The following OR6C4 variants were observed in gnomAD, a reference collection of about 807,000 sequenced individuals.
The protein encoded by OR6C4 is olfactory receptor family 6 subfamily C member 4.
OR6C4 carries 20 observed loss-of-function variants against 15.1 expected under a neutral mutation model. The observed-to-expected ratio is 1.32, with a 90% CI of 0.93 to 1.92. The LOEUF (loss-of-function observed/expected upper bound fraction) is 1.92, where lower values mean the gene tolerates loss of function less well. OR6C4 is among the 30% of genes most tolerant of loss of function. The probability of loss-of-function intolerance (pLI) is 0.00; values close to 1 mark genes in which losing one functional copy is unlikely to be tolerated. For missense variants in OR6C4, 491 were observed against 363.2 expected, an observed-to-expected ratio of 1.35 and a Z score of -2.86; for synonymous variants, 179 against 134.2, an observed-to-expected ratio of 1.33 and a Z score of -2.31.
At position 55,554,544 on chromosome 12, in the gene OR6C4, G is replaced by A. The variant is rs1199820265; in HGVS notation, c.*2388G>A. On this transcript the variant is annotated 3_prime_UTR_variant, in exon 2 of 2. Coordinates refer to ENST00000641569, the MANE Select transcript of OR6C4 (RefSeq NM_001005494.2). ...ATGACTTCACAGAGTCTGGTGCTGA[G>A]CTACCAGAATATTCAGTATCTAAAT... 3 of 152,150 alleles carry A rather than the reference G, an allele frequency of 2.0e-5. No individual in the cohort carries two copies. Among genetic ancestry groups the A allele is most frequent in the Non-Finnish European group, 4.4e-5 (3 of 68,030 alleles). The allele number at this position is 152,150 out of a possible 1,614,324, so 9.4% of individuals were successfully genotyped here. A position where few individuals can be genotyped will look rare whatever the true frequency, so the allele number is the denominator to read the frequency against.
In OR6C4 at chr12:55,551,658, C is replaced by A; in HGVS notation, c.432C>A (p.Phe144Leu). Residue 144 changes from phenylalanine to leucine, a missense_variant, in exon 2 of 2, where the codon TTC (phenylalanine) becomes TTA (leucine). Phe to Leu is a conservative substitution (Grantham distance 22). Coordinates refer to ENST00000641569, the MANE Select transcript of OR6C4 (RefSeq NM_001005494.2). Reference protein sequence around the residue: ...MSSRVCIQLVFCSWLGGFLAI... With the variant: ...MSSRVCIQLVLCSWLGGFLAI... ...GCAGAGTCTGCATACAACTAGTGTT[C>A]TGCTCCTGGTTGGGGGGATTCCTAG... 1 of 1,613,958 alleles carries A rather than the reference C, an allele frequency of 6.2e-7. No homozygotes were observed. The highest frequency in any genetic ancestry group is 8.5e-7 in the Non-Finnish European group (1 of 1,179,922).
chr12:55,550,458 C>A (rs1873824803), intron 1 of OR6C4, among the ~76,000 whole-genome samples: 1 of 152,160 alleles, frequency 6.6e-6, no homozygotes, highest in South Asian at 2.1e-4. Flanking sequence ...TTAGTTGCCA[C>A]TGGGGACTCT....
rs758589259 is a variant in OR6C4 at position 55,552,177 on chromosome 12, A to G, written c.*21A>G. On this transcript the variant is annotated 3_prime_UTR_variant, in exon 2 of 2. Coordinates refer to ENST00000641569, the MANE Select transcript of OR6C4 (RefSeq NM_001005494.2). ...TTTAAAAAAGGAGATTACACTTCAA[A>G]ATACATTTTCACTTAACAAATATGC... 75 of 1,520,828 alleles carry G rather than the reference A, an allele frequency of 4.9e-5. 1 individual carries two copies. In the South Asian group the frequency reaches 9.0e-4, roughly 18 times the overall value. The allele number at this position is 1,520,828 out of a possible 1,614,324, so 94.2% of individuals were successfully genotyped here. A position where few individuals can be genotyped will look rare whatever the true frequency, so the allele number is the denominator to read the frequency against.
chr12:55,551,180 T>C, intron 1 of OR6C4, 29 bp from the exon 2 acceptor site: 3 of 1,355,516 alleles, frequency 2.2e-6, no homozygotes, highest in Non-Finnish European at 3.1e-6. Flanking sequence ...AACTCTTCAA[T>C]TTTCATCATT....
chr12:55,550,618 C>A (rs1390964565), intron 1 of OR6C4, among the ~76,000 whole-genome samples: 2 of 152,130 alleles, frequency 1.3e-5, no homozygotes, highest in Non-Finnish European at 2.9e-5. Context: ...GATGCTTGAA[C>A]CTTGTTCATG....
rs2135867970 is a variant in OR6C4 at position 55,551,995 on chromosome 12, T to A, written c.769T>A (p.Tyr257Asn). Reference sequence around the variant, plus strand: ...CTCTTATGGCAGCTGCATGTTTATGTACATTAATCCTTCTGCAAAAGAAGG... The same window carrying A: ...CTCTTATGGCAGCTGCATGTTTATGAACATTAATCCTTCTGCAAAAGAAGG... ...SLSYGSCMFM[Y>N]INPSAKEGGA... Residue 257 changes from tyrosine to asparagine, a missense_variant, in exon 2 of 2, where the codon TAC (tyrosine) becomes AAC (asparagine). Tyr to Asn is a moderately radical substitution (Grantham distance 143). Coordinates refer to ENST00000641569, the MANE Select transcript of OR6C4 (RefSeq NM_001005494.2). The A allele has an allele frequency of 6.2e-7, 1 of 1,613,870 alleles. No individual in the cohort carries two copies. The highest frequency in any genetic ancestry group is 8.5e-7 in the Non-Finnish European group (1 of 1,179,890).
At position 55,555,419 on chromosome 12, in the gene OR6C4, C is replaced by T. The variant is rs1386207360; in HGVS notation, c.*3263C>T. On this transcript the variant is annotated 3_prime_UTR_variant, in exon 2 of 2. Transcript: ENST00000641569. ...GAACATAGTTTTTGGTTTTCCACTC[C>T]CGTATTACTTCACTTAGAATAACGA... The T allele has an allele frequency of 6.6e-6, 1 of 152,118 alleles. No homozygotes were observed. 9.4% of individuals were successfully genotyped at this position (152,118 alleles called of 1,614,324 possible).
intron 1 of OR6C4, among the ~76,000 whole-genome samples, chr12:55,550,724 T>A (rs1441527597): frequency 6.6e-6 from 1 of 151,964 alleles, no homozygotes; most frequent in Non-Finnish European, 1.5e-5. Flanking sequence ...TGTCAGAGAT[T>A]TGGACAGTAA....
At position 55,551,371 on chromosome 12, in the gene OR6C4, C is replaced by T; in HGVS notation, c.145C>T (p.Leu49=). ...GNLTIITLTL[L]DPHLQTPMYF... ...TCTGACTATTATCACCCTCACCTTA[C>T]TAGACCCCCACCTCCAGACCCCCAT... The change falls in exon 2 of 2, where the codon CTA becomes TTA. Residue 49 remains leucine, a synonymous_variant. Coordinates refer to ENST00000641569, the MANE Select transcript of OR6C4 (RefSeq NM_001005494.2). 1 of 1,613,936 alleles carries T rather than the reference C, an allele frequency of 6.2e-7. No homozygotes were observed. Among genetic ancestry groups the T allele is most frequent in the Non-Finnish European group, 8.5e-7 (1 of 1,179,860 alleles).
chr12:55,550,386 T>G (rs888126421), intron 1 of OR6C4, among the ~76,000 whole-genome samples: 9 of 152,170 alleles, frequency 5.9e-5, no homozygotes, highest in African/African-American at 2.2e-4. Context: ...AAAAACTTTT[T>G]CTGGTTTCTG....
rs190323176 is a variant in OR6C4, at chr12:55,552,132, A to T, written c.906A>T (p.Ser302=). ...AAGTGAAACAAGCTTTCAAGGACTC[A>T]GTCAAAAAGATTGTGAAACTTTAAA... ...NQQVKQAFKD[S]VKKIVKL is the part of the protein sequence containing the mutation. The change falls in exon 2 of 2, where the codon TCA becomes TCT. Residue 302 remains serine (S), a synonymous_variant. Coordinates refer to ENST00000641569, the MANE Select transcript of OR6C4 (RefSeq NM_001005494.2). 6.3e-7 allele frequency: 1 copy of T among 1,596,750 alleles called. No individual in the cohort carries two copies. The highest frequency in any genetic ancestry group is 2.2e-5 in the East Asian group (1 of 44,742).
rs970400698 is a variant in OR6C4 at position 55,549,905 on chromosome 12, T to C, written c.-232T>C. The stretch of plus-strand genomic sequence containing the variant: ...AGCCAATAGAAAACATGTTAAAGTA[T>C]ATACTACTCAAAGATTCACGTGGCA... On this transcript the variant is annotated 5_prime_UTR_variant, in exon 1 of 2. Transcript: ENST00000641569. The C allele has an allele frequency of 6.6e-6, 1 of 152,226 alleles. No homozygotes were observed. The highest frequency in any genetic ancestry group is 2.4e-5 in the African/African-American group (1 of 41,464). 9.4% of individuals were successfully genotyped at this position (152,226 alleles called of 1,614,324 possible). A position where few individuals can be genotyped will look rare whatever the true frequency, so the allele number is the denominator to read the frequency against.
In OR6C4 at chr12:55,551,185, ATCAT is replaced by A; in HGVS notation, c.-18-21_-18-18del. Reference sequence around the variant, plus strand: ...TACTCTAAGAAACTCTTCAATTTTCATCATTCTCACCTTTTGCCTTTAGGTTTTC... The same window carrying A: ...TACTCTAAGAAACTCTTCAATTTTCATCTCACCTTTTGCCTTTAGGTTTTC... On this transcript the variant is annotated intron_variant, in intron 1 of 1. Transcript: ENST00000641569. 3 of 1,383,204 alleles carry A rather than the reference ATCAT, an allele frequency of 2.2e-6. No individual in the cohort carries two copies. The highest frequency in any genetic ancestry group is 3.0e-6 in the Non-Finnish European group (3 of 987,470). The allele number at this position is 1,383,204 out of a possible 1,614,324, so 85.7% of individuals were successfully genotyped here.
At position 55,551,359 on chromosome 12, in the gene OR6C4, A is replaced by G. The variant is rs762853435; in HGVS notation, c.133A>G (p.Thr45Ala). ...LSILGNLTII[T>A]LTLLDPHLQT... ...TATCCTAGGAAATCTGACTATTATCACCCTCACCTTACTAGACCCCCACCT... is the reference window on the plus strand; with the variant it reads ...TATCCTAGGAAATCTGACTATTATCGCCCTCACCTTACTAGACCCCCACCT... The change falls in exon 2 of 2, where the codon ACC becomes GCC. Residue 45 changes from threonine (T) to alanine (A), a missense_variant. Transcript: ENST00000641569. 2 of 1,613,510 alleles carry G rather than the reference A, an allele frequency of 1.2e-6. No individual in the cohort carries two copies. The highest frequency in any genetic ancestry group is 2.2e-5 in the East Asian group (1 of 44,862).
In OR6C4 at chr12:55,553,886, A is replaced by G. The variant is rs1873944645; in HGVS notation, c.*1730A>G. The G allele has an allele frequency of 6.6e-6, 1 of 152,172 alleles. No individual in the cohort carries two copies. Among genetic ancestry groups the G allele is most frequent in the African/African-American group, 2.4e-5 (1 of 41,438 alleles). 9.4% of individuals were successfully genotyped at this position (152,172 alleles called of 1,614,324 possible). A position where few individuals can be genotyped will look rare whatever the true frequency, so the allele number is the denominator to read the frequency against. On this transcript the variant is annotated 3_prime_UTR_variant, in exon 2 of 2. Coordinates refer to ENST00000641569, the MANE Select transcript of OR6C4 (RefSeq NM_001005494.2). ...TTTACAATAATAGTGTCTATCTTAT[A>G]GTTTTGAGCATTCACTGAGAAAATA... is the stretch of plus-strand genomic sequence containing the variant.
rs1384940650 is a variant in OR6C4 at position 55,553,665 on chromosome 12, GA to G, written c.*1511del. 1 of 152,094 alleles carries G rather than the reference GA, an allele frequency of 6.6e-6. No homozygotes were observed. Among genetic ancestry groups the G allele is most frequent in the African/African-American group, 2.4e-5 (1 of 41,428 alleles). 9.4% of individuals were successfully genotyped at this position (152,094 alleles called of 1,614,324 possible). On this transcript the variant is annotated 3_prime_UTR_variant, in exon 2 of 2. Transcript: ENST00000641569. Reference sequence around the variant, plus strand: ...CACTACAAGAACAAGAAGTGTTCTTGAATAGCCACATCTAAATCATTAAGTT... The same window carrying G: ...CACTACAAGAACAAGAAGTGTTCTTGATAGCCACATCTAAATCATTAAGTT...
At position 55,553,964 on chromosome 12, in the gene OR6C4, C is replaced by A. The variant is rs1002715371; in HGVS notation, c.*1808C>A. On this transcript the variant is annotated 3_prime_UTR_variant, in exon 2 of 2. Coordinates refer to ENST00000641569, the MANE Select transcript of OR6C4 (RefSeq NM_001005494.2). Reference sequence around the variant, plus strand: ...ATTTATTGTGTTTAATAAATGACATCTATTATAACTATATTATAAACAATA... The same window carrying A: ...ATTTATTGTGTTTAATAAATGACATATATTATAACTATATTATAAACAATA... 10 of 152,190 alleles carry A rather than the reference C, an allele frequency of 6.6e-5. No homozygotes were observed. Among genetic ancestry groups the A allele is most frequent in the Middle Eastern group, 3.4e-3 (1 of 294 alleles). 9.4% of individuals were successfully genotyped at this position (152,190 alleles called of 1,614,324 possible).
At position 55,554,379 on chromosome 12, in the gene OR6C4, T is replaced by C. The variant is rs1243621045; in HGVS notation, c.*2223T>C. 6.7e-6 allele frequency: 1 copy of C among 150,006 alleles called. No homozygotes were observed. Among genetic ancestry groups the C allele is most frequent in the Non-Finnish European group, 1.5e-5 (1 of 67,670 alleles). The allele number at this position is 150,006 out of a possible 1,614,324, so 9.3% of individuals were successfully genotyped here. A position where few individuals can be genotyped will look rare whatever the true frequency, so the allele number is the denominator to read the frequency against. ...TTATATAAGCATTTGGAAATGAACA[T>C]GGAAAAGAATGTATCACCTTCTAAA... On this transcript the variant is annotated 3_prime_UTR_variant, in exon 2 of 2. Transcript: ENST00000641569.
rs1250843746 is a variant in OR6C4 at position 55,553,771 on chromosome 12, T to G, written c.*1615T>G. The stretch of plus-strand genomic sequence containing the variant: ...TAGTGGCTTAAAACATAGGCTTTAG[T>G]TCAAATCCCAGATTTTCAACTTTCT... On this transcript the variant is annotated 3_prime_UTR_variant, in exon 2 of 2. Transcript: ENST00000641569. The G allele has an allele frequency of 1.3e-5, 2 of 152,142 alleles. No individual in the cohort carries two copies. The highest frequency in any genetic ancestry group is 1.9e-4 in the East Asian group (1 of 5,184). The allele number at this position is 152,142 out of a possible 1,614,324, so 9.4% of individuals were successfully genotyped here.
Sources: gnomAD v4.1 joint callset for allele counts (sites outside exome capture counted in the v4.1 genomes callset) on GRCh38, gnomAD v4.1.1 for gene constraint, MANE v1.5 for transcripts, NCBI Gene and HGNC (gene_info 2026-07-23, HGNC 2026-07-21) for gene names.